PDZRN4: variants seen among roughly 807,000 people sequenced by gnomAD.
PDZRN4 encodes the protein PDZ domain containing ring finger 4, also known as PDZ domain-containing RING finger protein 4.
Under a neutral mutation model 99.0 loss-of-function variants are expected in PDZRN4, and 70 were observed. The observed-to-expected ratio is 0.71, with a 90% confidence interval of 0.58 to 0.86. The LOEUF is 0.86. Ranked by LOEUF, PDZRN4 falls within the 40% of genes least tolerant of loss-of-function variation. The pLI is 0.00. For synonymous variants in PDZRN4, 551 were observed against 501.6 expected (o/e 1.10, Z -1.32); for missense variants, 1,474 against 1,331.2 (o/e 1.11, Z -1.67).
intron 3 of PDZRN4, among the ~76,000 whole-genome samples, chr12:41,504,040 G>A (rs1248243975): frequency 6.6e-6 from 1 of 152,120 alleles, no homozygotes; most frequent in African/African-American, 2.4e-5. Context: ...GGAGGCTGAG[G>A]CGGGTAGATC....
intron 3 of PDZRN4, among the ~76,000 whole-genome samples, chr12:41,480,170 C>A (rs1384100818): frequency 6.6e-6 from 1 of 152,052 alleles, no homozygotes; most frequent in East Asian, 1.9e-4. Flanking sequence ...TCACCTGCCA[C>A]CTGTTGAGAG....
intron 6 of PDZRN4, among the ~76,000 whole-genome samples, chr12:41,554,169 C>T (rs924265950): frequency 1.8e-4 from 28 of 152,124 alleles, no homozygotes; most frequent in African/African-American, 6.8e-4. Flanking sequence ...AAGGAAACAC[C>T]TGTGGCATTA....
intron 3 of PDZRN4, among the ~76,000 whole-genome samples, chr12:41,212,533 C>A (rs192102498): frequency 6.6e-6 from 1 of 151,960 alleles, no homozygotes; most frequent in East Asian, 1.9e-4. Context: ...TTCTCTAATT[C>A]TCTTTTTTAA....
intron 3 of PDZRN4, among the ~76,000 whole-genome samples, chr12:41,478,915 G>C (rs1183152506): frequency 6.6e-6 from 1 of 152,152 alleles, no homozygotes; most frequent in African/African-American, 2.4e-5. Context: ...TTCAGCATTT[G>C]TAGAGATGTT....
At chr12:41,541,506 T>A (rs1030983504) in intron 5 of PDZRN4, among the ~76,000 whole-genome samples, 5 of 149,580 alleles carry the variant, frequency 3.3e-5, no homozygotes, top group Non-Finnish European at 7.4e-5. Flanking sequence ...TGGAGTGGAG[T>A]GCAGTGGCTC....
At chr12:41,310,098 A>G (rs2120948376) in intron 3 of PDZRN4, among the ~76,000 whole-genome samples, 1 of 152,074 alleles carries the variant, frequency 6.6e-6, no homozygotes, top group East Asian at 1.9e-4. Flanking sequence ...ACACCTGTCT[A>G]ATTTTTGTAT....
At chr12:41,334,500 C>T (rs1951761073) in intron 3 of PDZRN4, among the ~76,000 whole-genome samples, 1 of 152,024 alleles carries the variant, frequency 6.6e-6, no homozygotes, top group South Asian at 2.1e-4. Context: ...TCAGCACCAT[C>T]ACCTCCTTAT....
At chr12:41,551,950 G>C (rs1386275047) in intron 5 of PDZRN4, among the ~76,000 whole-genome samples, 4 of 152,098 alleles carry the variant, frequency 2.6e-5, no homozygotes, top group African/African-American at 9.7e-5. Context: ...CATTACCTGA[G>C]GACTGACATT....
intron 3 of PDZRN4, among the ~76,000 whole-genome samples, chr12:41,302,687 C>A (rs1442676177): frequency 3.3e-5 from 5 of 152,032 alleles, no homozygotes; most frequent in Non-Finnish European, 7.4e-5. Flanking sequence ...GTTAAAAATT[C>A]TTCATTTATT....
chr12:41,403,909 G>A lies in PDZRN4; in HGVS notation c.844-102547G>A, dbSNP rs576522307. Reference sequence around the variant, plus strand: ...TAAGTAGAAAGATAATTTGCAGTAAGCCATATGTGATAAGAAGGGAGTACA... The same window carrying A: ...TAAGTAGAAAGATAATTTGCAGTAAACCATATGTGATAAGAAGGGAGTACA... On this transcript the variant is annotated intron_variant, in intron 3 of 9. Coordinates refer to ENST00000402685, the MANE Select transcript of PDZRN4 (RefSeq NM_001164595.2). 6.9e-4 allele frequency among the ~76,000 whole-genome samples: 105 copies of A among 152,240 alleles called. 3 individuals carry two copies. The highest frequency in any genetic ancestry group is 2.0e-3 in the African/African-American group (83 of 41,548).
chr12:41,563,859 T>C (rs73282231), intron 8 of PDZRN4, among the ~76,000 whole-genome samples: 14,893 of 152,208 alleles, frequency 0.098, 1,840 homozygotes, highest in African/African-American at 0.27. Flanking sequence ...CAAAATACAA[T>C]AAAGACTGAT....
chr12:41,218,492 T>A (rs1950934935), intron 3 of PDZRN4, among the ~76,000 whole-genome samples: 1 of 151,290 alleles, frequency 6.6e-6, no homozygotes, highest in Non-Finnish European at 1.5e-5. Flanking sequence ...CTTGTGCTTT[T>A]GTTTCAAAAA....
At chr12:41,239,140 G>T (rs1409412449) in intron 3 of PDZRN4, among the ~76,000 whole-genome samples, 1 of 152,160 alleles carries the variant, frequency 6.6e-6, no homozygotes, top group East Asian at 1.9e-4. Context: ...GCCATAAAAA[G>T]GAACAAGATC....
At chr12:41,231,354 A>G (rs1951028802) in intron 3 of PDZRN4, among the ~76,000 whole-genome samples, 1 of 152,084 alleles carries the variant, frequency 6.6e-6, no homozygotes. Context: ...TGGCATTTAC[A>G]TTGCCTAATT....
chr12:41,377,644 A>G (rs978216840), intron 3 of PDZRN4, among the ~76,000 whole-genome samples: 1 of 152,144 alleles, frequency 6.6e-6, no homozygotes, highest in Admixed American at 6.5e-5. Context: ...AGCCTGGTCA[A>G]CAGAGTGAGA....
chr12:41,382,400 C>A (rs1952134332), intron 3 of PDZRN4, among the ~76,000 whole-genome samples: 1 of 152,178 alleles, frequency 6.6e-6, no homozygotes, highest in African/African-American at 2.4e-5. Flanking sequence ...TAACTGATTG[C>A]AAACTTAGGA....
intron 3 of PDZRN4, among the ~76,000 whole-genome samples, chr12:41,237,908 T>C (rs536511523): frequency 6.6e-6 from 1 of 152,316 alleles, no homozygotes; most frequent in South Asian, 2.1e-4. Context: ...GCGTGATGCC[T>C]CCAGCTTTGT....
Position 41,188,340 on chromosome 12 carries a change from C to A in PDZRN4, c.-116C>A. On this transcript the variant is annotated 5_prime_UTR_variant, in exon 1 of 10. Transcript: ENST00000402685. ...GTGAGATCACACCTCCCACCCGCCA[C>A]CTCCCTCCACTGCCGCCGCCGCGAG... is the stretch of plus-strand genomic sequence containing the variant. The A allele has an allele frequency of 1.0e-6, 1 of 957,070 alleles. No individual in the cohort carries two copies. Among genetic ancestry groups the A allele is most frequent in the Non-Finnish European group, 1.5e-6 (1 of 669,620 alleles). The allele number at this position is 957,070 out of a possible 1,614,324, so 59.3% of individuals were successfully genotyped here.
chr12:41,454,850 A>G (rs1952805152), intron 3 of PDZRN4, among the ~76,000 whole-genome samples: 1 of 152,234 alleles, frequency 6.6e-6, no homozygotes. Flanking sequence ...ACTTTCCAAT[A>G]GAAATATCTG....
Sources: allele counts gnomAD v4.1 joint callset (sites outside exome capture counted in the v4.1 genomes callset), GRCh38; gene constraint gnomAD v4.1.1; transcripts MANE v1.5; gene names NCBI Gene and HGNC (gene_info 2026-07-23, HGNC 2026-07-21).